The following SLC35F3 variants were observed in gnomAD, a reference collection of about 807,000 sequenced individuals.
SLC35F3 encodes the protein solute carrier family 35 member F3.
SLC35F3 carries 25 observed loss-of-function variants against 49.9 expected under a neutral mutation model. The observed-to-expected ratio is 0.50, with a 90% CI of 0.37 to 0.70. SLC35F3 has a LOEUF of 0.70. SLC35F3 is among the 30% of genes least tolerant of loss of function. The pLI is 0.00. For missense variants in SLC35F3, 525 were observed against 639.8 expected, an observed-to-expected ratio of 0.82 and a Z score of 1.94; for synonymous variants, 275 against 265.4, an observed-to-expected ratio of 1.04 and a Z score of -0.35.
At chr1:233,970,521 A>T (rs563906330) in intron 2 of SLC35F3, among the ~76,000 whole-genome samples, 2 of 152,292 alleles carry the variant, frequency 1.3e-5, no homozygotes, top group African/African-American at 4.8e-5. Flanking sequence ...GTGGAGTTTG[A>T]TAGGCTGAAA....
chr1:234,182,570 T>C (rs974018041), intron 2 of SLC35F3, among the ~76,000 whole-genome samples: 2 of 152,230 alleles, frequency 1.3e-5, no homozygotes, highest in Non-Finnish European at 2.9e-5. Flanking sequence ...GTATCTTTCT[T>C]GAGATCGATT....
At chr1:233,934,470 T>C (rs1662293672) in intron 2 of SLC35F3, among the ~76,000 whole-genome samples, 1 of 152,230 alleles carries the variant, frequency 6.6e-6, no homozygotes, top group African/African-American at 2.4e-5. Context: ...GTTATACTAT[T>C]GAGTTACATG....
At chr1:233,996,954 T>C (rs985023357) in intron 2 of SLC35F3, among the ~76,000 whole-genome samples, 1 of 152,188 alleles carries the variant, frequency 6.6e-6, no homozygotes, top group Non-Finnish European at 1.5e-5. Flanking sequence ...CCATTTTATA[T>C]TTGACATTTT....
intron 2 of SLC35F3, among the ~76,000 whole-genome samples, chr1:234,054,221 T>C (rs1342652542): frequency 1.3e-5 from 2 of 152,222 alleles, no homozygotes; most frequent in Non-Finnish European, 2.9e-5. Flanking sequence ...TCCTGGATAA[T>C]ATCCTGCAAA....
At chr1:234,149,203 G>C (rs907910671) in intron 2 of SLC35F3, among the ~76,000 whole-genome samples, 1 of 152,204 alleles carries the variant, frequency 6.6e-6, no homozygotes, top group African/African-American at 2.4e-5. Context: ...TTTGAGTGAA[G>C]ATGGAACATT....
intron 2 of SLC35F3, among the ~76,000 whole-genome samples, chr1:234,224,492 T>G (rs76957239): frequency 3.0e-4 from 46 of 152,340 alleles, no homozygotes; most frequent in Non-Finnish European, 5.7e-4. Context: ...CTTTCCAGAA[T>G]AGCATATCCT....
intron 2 of SLC35F3, among the ~76,000 whole-genome samples, chr1:233,988,620 C>T (rs372694257): frequency 9.2e-5 from 14 of 152,186 alleles, no homozygotes; most frequent in East Asian, 7.7e-4. Flanking sequence ...CACAGGCACG[C>T]TTTCAGCTTC....
At chr1:234,140,002 A>AATAAAATAAAATAAAAAATAAT in intron 2 of SLC35F3, among the ~76,000 whole-genome samples, 2 of 105,366 alleles carry the variant, frequency 1.9e-5, no homozygotes, top group Non-Finnish European at 2.4e-5. Context: ...AATAAAATAA[A>AATAAAATAAAATAAAAAATAAT]GTAAGTGACT....
At chr1:234,069,632 C>T (rs757343643) in intron 2 of SLC35F3, among the ~76,000 whole-genome samples, 2 of 152,282 alleles carry the variant, frequency 1.3e-5, no homozygotes, top group African/African-American at 2.4e-5. Flanking sequence ...CCAGAACTTA[C>T]GAGTCTTCTT....
At chr1:234,236,925 T>TTTTATATATATATA (rs1553317673) in intron 3 of SLC35F3, among the ~76,000 whole-genome samples, 6 of 96,292 alleles carry the variant, frequency 6.2e-5, no homozygotes, top group East Asian at 5.2e-4. Context: ...AAAAAAAAAA[T>TTTTATATATATATA]TATATATATA....
At chr1:234,059,315 C>T (rs1664503145) in intron 2 of SLC35F3, among the ~76,000 whole-genome samples, 1 of 151,196 alleles carries the variant, frequency 6.6e-6, no homozygotes, top group South Asian at 2.1e-4. Context: ...TATAAACTTT[C>T]CTCCAAGCAC....
At chr1:233,946,386 T>C (rs1320488326) in intron 2 of SLC35F3, among the ~76,000 whole-genome samples, 1 of 152,230 alleles carries the variant, frequency 6.6e-6, no homozygotes, top group African/African-American at 2.4e-5. Context: ...TAATTTTGTT[T>C]GGACTTACTA....
chr1:234,223,349 G>A lies in SLC35F3; in HGVS notation c.284-8068G>A, dbSNP rs184680629. ...CCAGCTCTCAGACTGCTTCAGAGTA[G>A]ATCAGACACATCTCAAAGAAGCCTC... On this transcript the variant is annotated intron_variant, in intron 2 of 7. Transcript: ENST00000366618. Among the ~76,000 whole-genome samples the A allele has an allele frequency of 2.0e-5, 3 of 152,254 alleles. No individual in the cohort carries two copies. In the East Asian group the frequency reaches 5.8e-4, roughly 29 times the overall value.
chr1:234,071,631 A>G (rs1485365994), intron 2 of SLC35F3, among the ~76,000 whole-genome samples: 1 of 152,236 alleles, frequency 6.6e-6, no homozygotes, highest in African/African-American at 2.4e-5. Flanking sequence ...GGAATATTTA[A>G]TGAACATTCC....
chr1:234,290,337 T>C (rs1024322350), intron 3 of SLC35F3, among the ~76,000 whole-genome samples: 1 of 152,214 alleles, frequency 6.6e-6, no homozygotes, highest in Non-Finnish European at 1.5e-5. Context: ...AAAAATGATA[T>C]GATATAAATT....
At chr1:234,217,509 G>A (rs1667140208) in intron 2 of SLC35F3, among the ~76,000 whole-genome samples, 1 of 152,246 alleles carries the variant, frequency 6.6e-6, no homozygotes, top group South Asian at 2.1e-4. Flanking sequence ...GGGACACTGA[G>A]AGTTGAGCAA....
At chr1:234,267,572 T>G (rs1173283054) in intron 3 of SLC35F3, among the ~76,000 whole-genome samples, 2 of 139,336 alleles carry the variant, frequency 1.4e-5, no homozygotes, top group African/African-American at 5.6e-5. Context: ...CACTTCCCAG[T>G]AGGGGCGGCC....
At chr1:234,204,720 G>A (rs575028459) in intron 2 of SLC35F3, among the ~76,000 whole-genome samples, 4 of 152,300 alleles carry the variant, frequency 2.6e-5, no homozygotes, top group African/African-American at 4.8e-5. Flanking sequence ...ACTTTTTGCC[G>A]TACACTAACA....
chr1:234,025,019 T>G (rs1252487602), intron 2 of SLC35F3, among the ~76,000 whole-genome samples: 1 of 152,252 alleles, frequency 6.6e-6, no homozygotes, highest in Non-Finnish European at 1.5e-5. Flanking sequence ...GCCATCTTTA[T>G]GATCGTGTAC....
Sources: allele counts gnomAD v4.1 joint callset (sites outside exome capture counted in the v4.1 genomes callset), GRCh38; gene constraint gnomAD v4.1.1; transcripts MANE v1.5; gene names NCBI Gene and HGNC (gene_info 2026-07-23, HGNC 2026-07-21).